GXYLT2: variants seen among roughly 807,000 people sequenced by gnomAD.
GXYLT2 encodes glycosyltransferase 8 domain containing 4.
Under a neutral mutation model 45.8 loss-of-function variants are expected in GXYLT2, and 53 were observed. The ratio of observed to expected loss-of-function variants is 1.16; its 90% confidence interval spans 0.93 to 1.46. The LOEUF (loss-of-function observed/expected upper bound fraction) is 1.46, where lower values mean the gene tolerates loss of function less well. Ranked by LOEUF, GXYLT2 falls within the 40% of genes most tolerant of loss-of-function variation. The probability of loss-of-function intolerance (pLI) is 0.00; values close to 1 mark genes in which losing one functional copy is unlikely to be tolerated. For synonymous variants in GXYLT2, 219 were observed against 214.2 expected (o/e 1.02, Z -0.19); for missense variants, 551 against 544.4 (o/e 1.01, Z -0.12).
At chr3:72,950,865 AG>A (rs1351610508) in intron 3 of GXYLT2, among the ~76,000 whole-genome samples, 1 of 152,184 alleles carries the variant, frequency 6.6e-6, no homozygotes, top group Non-Finnish European at 1.5e-5. Flanking sequence ...CAGATGGCTG[AG>A]CAGGGTTCAC....
chr3:72,961,659 C>CAAAA (rs771569626), intron 5 of GXYLT2, among the ~76,000 whole-genome samples: 2 of 94,800 alleles, frequency 2.1e-5, no homozygotes, highest in African/African-American at 3.9e-5. Context: ...GAATTCTTAG[C>CAAAA]AAAAAAAAAA....
At position 72,969,921 on chromosome 3, in the gene GXYLT2, AC is replaced by A. The variant is rs66677056; in HGVS notation, c.1149+2203del. Among the ~76,000 whole-genome samples the A allele has an allele frequency of 1.3e-3, 194 of 150,020 alleles. 4 individuals are homozygous for A. The highest frequency in any genetic ancestry group is 3.5e-3 in the Middle Eastern group (1 of 288). On this transcript the variant is annotated intron_variant, in intron 6 of 6. Transcript: ENST00000389617. ...AAAATGTGCATTTGAAAAAAAAAAAACAAAAACATTTAAGGCCCAGCACAGT... is the reference window on the plus strand; with the variant it reads ...AAAATGTGCATTTGAAAAAAAAAAAAAAAAACATTTAAGGCCCAGCACAGT...
intron 1 of GXYLT2, 113 bp from the exon 2 acceptor site, chr3:72,908,254 C>T: frequency 1.5e-6 from 1 of 676,928 alleles, no homozygotes; most frequent in Non-Finnish European, 2.5e-6. Context: ...TAAAATATAA[C>T]AGATTGTGCC....
In GXYLT2 at chr3:72,888,502, T is replaced by G; in HGVS notation, c.269T>G (p.Leu90Trp). 8.1e-7 allele frequency: 1 copy of G among 1,239,702 alleles called. No individual in the cohort carries two copies. Among genetic ancestry groups the G allele is most frequent in the Non-Finnish European group, 1.0e-6 (1 of 989,486 alleles). 76.8% of individuals were successfully genotyped at this position (1,239,702 alleles called of 1,614,324 possible). A position where few individuals can be genotyped will look rare whatever the true frequency, so the allele number is the denominator to read the frequency against. ...GRRGAARLEK[L>W]ARRPGEPRSF... The stretch of plus-strand genomic sequence containing the variant: ...CGGGGCGCTGCGAGACTGGAGAAGT[T>G]GGCGAGGTGAGTCGTGGCAACCCCA... Residue 90 changes from leucine (L) to tryptophan (W), a missense_variant, in exon 1 of 7, where the codon TTG (leucine) becomes TGG (tryptophan). Transcript: ENST00000389617.
chr3:72,908,586 T>G, intron 2 of GXYLT2, 27 bp downstream of exon 2: 2 of 1,563,290 alleles, frequency 1.3e-6, no homozygotes, highest in East Asian at 2.2e-5. Flanking sequence ...CATGGCACAG[T>G]GTTTACTAAG....
intron 2 of GXYLT2, among the ~76,000 whole-genome samples, chr3:72,921,931 C>A (rs1002028803): frequency 6.6e-6 from 1 of 152,152 alleles, no homozygotes; most frequent in African/African-American, 2.4e-5. Context: ...TTACCAGTTT[C>A]CAAGTTAACC....
chr3:72,975,219 A>C lies in GXYLT2; in HGVS notation c.*60A>C. The C allele has an allele frequency of 1.6e-6, 2 of 1,276,288 alleles. No individual in the cohort carries two copies. Among genetic ancestry groups the C allele is most frequent in the Non-Finnish European group, 2.2e-6 (2 of 910,302 alleles). The allele number at this position is 1,276,288 out of a possible 1,614,324, so 79.1% of individuals were successfully genotyped here. A position where few individuals can be genotyped will look rare whatever the true frequency, so the allele number is the denominator to read the frequency against. ...TGTGACCAAGGAAATACTAATCTCT[A>C]AGCTGCCTGGGTCTTTTTGTGTGAA... On this transcript the variant is annotated 3_prime_UTR_variant, in exon 7 of 7. Coordinates refer to ENST00000389617, the MANE Select transcript of GXYLT2 (RefSeq NM_001080393.2).
chr3:72,968,854 G>C (rs1172922625), intron 6 of GXYLT2, among the ~76,000 whole-genome samples: 1 of 152,188 alleles, frequency 6.6e-6, no homozygotes, highest in East Asian at 1.9e-4. Context: ...GAGGTCAGGA[G>C]ATCGAGACTT....
At chr3:72,930,756 A>G (rs1710014925) in intron 3 of GXYLT2, among the ~76,000 whole-genome samples, 1 of 151,576 alleles carries the variant, frequency 6.6e-6, no homozygotes, top group Non-Finnish European at 1.5e-5. Flanking sequence ...ACCAAGCCCA[A>G]CTAATTTTCA....
chr3:72,948,344 C>T (rs953204985), intron 3 of GXYLT2, among the ~76,000 whole-genome samples: 3 of 152,174 alleles, frequency 2.0e-5, no homozygotes, highest in Non-Finnish European at 4.4e-5. Flanking sequence ...GGAACATTCA[C>T]CAAGATAGGC....
chr3:72,894,223 G>A (rs911350536), intron 1 of GXYLT2, among the ~76,000 whole-genome samples: 25 of 152,190 alleles, frequency 1.6e-4, no homozygotes, highest in Admixed American at 5.2e-4. Context: ...CCAGAATCAA[G>A]GCATCCTGAG....
chr3:72,959,507 G>A (rs962176403), intron 5 of GXYLT2, among the ~76,000 whole-genome samples: 3 of 151,138 alleles, frequency 2.0e-5, no homozygotes, highest in Non-Finnish European at 3.0e-5. Context: ...GCGATCTTCC[G>A]GCCTCGGCCT....
rs148083878 is a variant in GXYLT2 at position 72,905,695 on chromosome 3, A to G, written c.276-2672A>G. ...GTACATCCATCTTCACCTGTGCTCTATGTTGCCAAATGGCTCTCCAAAGTG... is the reference window on the plus strand; with the variant it reads ...GTACATCCATCTTCACCTGTGCTCTGTGTTGCCAAATGGCTCTCCAAAGTG... On this transcript the variant is annotated intron_variant, in intron 1 of 6. Coordinates refer to ENST00000389617, the MANE Select transcript of GXYLT2 (RefSeq NM_001080393.2). 3.0e-3 allele frequency among the ~76,000 whole-genome samples: 458 copies of G among 152,256 alleles called. 2 individuals carry two copies. Among genetic ancestry groups the G allele is most frequent in the Non-Finnish European group, 3.3e-3 (224 of 68,022 alleles).
chr3:72,905,517 C>T (rs1357225287), intron 1 of GXYLT2, among the ~76,000 whole-genome samples: 1 of 152,140 alleles, frequency 6.6e-6, no homozygotes, highest in Non-Finnish European at 1.5e-5. Flanking sequence ...AATATATTCA[C>T]TTTTCTCCTT....
intron 3 of GXYLT2, among the ~76,000 whole-genome samples, chr3:72,934,849 A>G (rs1710147828): frequency 6.6e-6 from 1 of 152,184 alleles, no homozygotes; most frequent in South Asian, 2.1e-4. Context: ...AGAGCCCAGA[A>G]CCTTGCAAAG....
At chr3:72,904,851 G>A (rs1347712887) in intron 1 of GXYLT2, among the ~76,000 whole-genome samples, 1 of 143,356 alleles carries the variant, frequency 7.0e-6, no homozygotes, top group Non-Finnish European at 1.5e-5. Context: ...GACCAGCCTG[G>A]CAAAACCCCA....
chr3:72,971,548 T>C (rs961103274), intron 6 of GXYLT2, among the ~76,000 whole-genome samples: 2 of 152,214 alleles, frequency 1.3e-5, no homozygotes, highest in African/African-American at 2.4e-5. Context: ...ATCAGTCAAG[T>C]GTAGATAATA....
At chr3:72,937,715 C>T (rs1710218368) in intron 3 of GXYLT2, among the ~76,000 whole-genome samples, 1 of 152,104 alleles carries the variant, frequency 6.6e-6, no homozygotes, top group Admixed American at 6.6e-5. Flanking sequence ...AAAGTGTTCC[C>T]AAAATACCTC....
intron 1 of GXYLT2, among the ~76,000 whole-genome samples, chr3:72,893,943 G>T (rs1183758651): frequency 2.0e-5 from 3 of 151,666 alleles, no homozygotes; most frequent in Admixed American, 2.0e-4. Flanking sequence ...TGAGCTTCTT[G>T]TATCCAGTAC....
Sources: allele counts gnomAD v4.1 joint callset (sites outside exome capture counted in the v4.1 genomes callset), GRCh38; gene constraint gnomAD v4.1.1; transcripts MANE v1.5; gene names NCBI Gene and HGNC (gene_info 2026-07-23, HGNC 2026-07-21).